CAMTA1: variants seen among roughly 807,000 people sequenced by gnomAD.
CAMTA1 encodes calmodulin-binding transcription activator 1.
Under a neutral mutation model 170.9 loss-of-function variants are expected in CAMTA1, and 27 were observed. The ratio of observed to expected loss-of-function variants is 0.16; its 90% CI spans 0.12 to 0.22. The LOEUF is 0.22. Ranked by LOEUF, CAMTA1 falls within the 10% of genes least tolerant of loss-of-function variation. The pLI is 1.00. For synonymous variants in CAMTA1, 833 were observed against 891.5 expected (o/e 0.93, Z 1.17); for missense variants, 1,619 against 2,217.2 (o/e 0.73, Z 5.42).
intron 4 of CAMTA1, among the ~76,000 whole-genome samples, chr1:7,162,370 T>C (rs1647383176): frequency 6.6e-6 from 1 of 152,218 alleles, no homozygotes. Context: ...TACAGAGTTG[T>C]GCAACCATTG....
chr1:7,036,308 GAGA>G (rs1314612860), intron 3 of CAMTA1, among the ~76,000 whole-genome samples: 6 of 152,174 alleles, frequency 3.9e-5, no homozygotes, highest in African/African-American at 1.4e-4. Context: ...CTGAGAAATA[GAGA>G]AGAAGAGAGA....
chr1:7,164,891 ACAT>A (rs1218353595), intron 4 of CAMTA1, among the ~76,000 whole-genome samples: 2 of 152,246 alleles, frequency 1.3e-5, no homozygotes, highest in Admixed American at 1.3e-4. Flanking sequence ...TTCAATGGTA[ACAT>A]CATCTGTTAA....
At chr1:7,677,795 T>C in intron 11 of CAMTA1, 62 bp downstream of exon 11, 2 of 1,557,568 alleles carry the variant, frequency 1.3e-6, no homozygotes, top group Non-Finnish European at 1.7e-6. Context: ...TGGGGACTCT[T>C]GCACAAGGTG....
At chr1:7,420,587 C>G (rs908268562) in intron 5 of CAMTA1, among the ~76,000 whole-genome samples, 2 of 152,126 alleles carry the variant, frequency 1.3e-5, no homozygotes, top group Admixed American at 1.3e-4. Context: ...ACCGAGCCCC[C>G]ACCAGCTTCT....
chr1:7,074,811 A>C (rs1639089109), intron 3 of CAMTA1, among the ~76,000 whole-genome samples: 1 of 152,178 alleles, frequency 6.6e-6, no homozygotes, highest in Non-Finnish European at 1.5e-5. Flanking sequence ...TTCCCAGTTT[A>C]CAGTTAGAGC....
chr1:7,469,917 C>G (rs113653439), intron 6 of CAMTA1, among the ~76,000 whole-genome samples: 1 of 152,222 alleles, frequency 6.6e-6, no homozygotes, highest in Non-Finnish European at 1.5e-5. Context: ...TCTGCCCCAG[C>G]CCTCCCTCAC....
chr1:7,289,087 G>T (rs887312700), intron 5 of CAMTA1, among the ~76,000 whole-genome samples: 1 of 151,970 alleles, frequency 6.6e-6, no homozygotes, highest in African/African-American at 2.4e-5. Context: ...AGAGGGGAGG[G>T]AGGTGCCACA....
chr1:7,122,274 T>G (rs150673180), intron 4 of CAMTA1, among the ~76,000 whole-genome samples: 2 of 152,138 alleles, frequency 1.3e-5, no homozygotes, highest in Non-Finnish European at 2.9e-5. Flanking sequence ...TGAGCTTTAT[T>G]GGGACATGCC....
intron 3 of CAMTA1, among the ~76,000 whole-genome samples, chr1:6,986,125 G>A (rs915562402): frequency 6.6e-6 from 1 of 152,184 alleles, no homozygotes; most frequent in Admixed American, 6.5e-5. Context: ...CTGCAGGTGG[G>A]TATCAGAGGA....
chr1:7,518,285 G>A lies in CAMTA1; in HGVS notation c.510+50384G>A, dbSNP rs181061673. Among the ~76,000 whole-genome samples, 195 of 152,036 alleles carry A rather than the reference G, an allele frequency of 1.3e-3. 3 individuals are homozygous for A. Among genetic ancestry groups the A allele is most frequent in the African/African-American group, 4.6e-3 (189 of 41,322 alleles). On this transcript the variant is annotated intron_variant, in intron 6 of 22. Transcript: ENST00000303635. ...AGAAGCCCCTCCCGGAGGTGTGGCG[G>A]GATCTCTCCAGAGGCTGAGCTGCCC...
intron 4 of CAMTA1, among the ~76,000 whole-genome samples, chr1:7,201,201 G>A (rs535704303): frequency 6.6e-6 from 1 of 152,154 alleles, no homozygotes; most frequent in Admixed American, 6.5e-5. Flanking sequence ...TGTTTTTAAG[G>A]TTCATCCACA....
chr1:7,664,170 G>C lies in CAMTA1; in HGVS notation c.1623G>C (p.Gln541His), dbSNP rs1333825085. The C allele has an allele frequency of 6.2e-7, 1 of 1,612,902 alleles. No homozygotes were observed. The part of the protein sequence containing the change: ...EIKTEDTSFE[Q>H]QMAKEAYSSS... ...AGACCGAGGACACCTCCTTCGAGCA[G>C]CAGATGGCCAAAGAAGCGTACTCCT... Residue 541 changes from glutamine to histidine, a missense_variant, in exon 9 of 23, where the codon CAG (glutamine) becomes CAC (histidine). Physicochemically the swap from Gln to His is conservative, Grantham distance 24. This residue lies in a region of CAMTA1 where 731 missense variants were observed against 907.6 expected (regional missense o/e 0.81). Transcript: ENST00000303635.
rs755228150 is a variant in CAMTA1 at position 7,532,221 on chromosome 1, G to A, written c.510+64320G>A. 6.6e-5 allele frequency among the ~76,000 whole-genome samples: 10 copies of A among 152,150 alleles called. No individual in the cohort carries two copies. Among genetic ancestry groups the A allele is most frequent in the Non-Finnish European group, 1.2e-4 (8 of 68,040 alleles). On this transcript the variant is annotated intron_variant, in intron 6 of 22. Transcript: ENST00000303635. The surrounding 1 kb of genome is among the most constrained non-coding windows in gnomAD (Gnocchi z 4.2). ...GTGGCCTTCGGATTCTTGGTGGAGG[G>A]GACATTCTTGCACACTAGTGCCCTC...
rs546230174 is a variant in CAMTA1 at position 7,737,043 on chromosome 1, G to A, written c.3342+34G>A. On this transcript the variant is annotated intron_variant, in intron 14 of 22. Transcript: ENST00000303635. ...TGGATTCCTGTAGCCCCCCCTTGCT[G>A]TTCTTCCAGTCTGGCATAGGATTTG... is the stretch of plus-strand genomic sequence containing the variant. The A allele has an allele frequency of 5.2e-6, 8 of 1,528,850 alleles. 1 individual carries two copies. The highest frequency in any genetic ancestry group is 6.3e-6 in the Non-Finnish European group (7 of 1,104,528). The allele number at this position is 1,528,850 out of a possible 1,614,324, so 94.7% of individuals were successfully genotyped here.
intron 3 of CAMTA1, among the ~76,000 whole-genome samples, chr1:6,968,916 C>CA (rs1292141094): frequency 2.6e-5 from 4 of 152,056 alleles, no homozygotes; most frequent in Non-Finnish European, 5.9e-5. Flanking sequence ...TAGTGGAGGA[C>CA]AGGTGTGCTG....
chr1:7,611,070 C>T (rs2095520457), intron 6 of CAMTA1, among the ~76,000 whole-genome samples: 1 of 152,168 alleles, frequency 6.6e-6, no homozygotes, highest in Non-Finnish European at 1.5e-5. Flanking sequence ...ATTTTCTCCT[C>T]TGTAAAGCAG....
intron 5 of CAMTA1, chr1:7,368,898 C>T (rs1023442986): frequency 6.6e-6 from 1 of 152,344 alleles, no homozygotes; most frequent in African/African-American, 2.4e-5. Flanking sequence ...GTCACTATGC[C>T]TTCTTGACTT....
rs1447192456 is a variant in CAMTA1, at chr1:7,216,145, G to C, written c.303-33346G>C. On this transcript the variant is annotated intron_variant, in intron 4 of 22. Coordinates refer to ENST00000303635, the MANE Select transcript of CAMTA1 (RefSeq NM_015215.4). The surrounding 1 kb of genome is among the most constrained non-coding windows in gnomAD (Gnocchi z 4.0). ...CCGCGTGTCCTGCGTGGCTGGAGCA[G>C]GAGGAAGAGGGTGAAGGGGGAGGTC... Among the ~76,000 whole-genome samples, 1 of 152,178 alleles carries C rather than the reference G, an allele frequency of 6.6e-6. No homozygotes were observed. The highest frequency in any genetic ancestry group is 1.5e-5 in the Non-Finnish European group (1 of 68,032).
At chr1:6,845,364 G>A (rs1368118740) in intron 3 of CAMTA1, among the ~76,000 whole-genome samples, 1 of 152,096 alleles carries the variant, frequency 6.6e-6, no homozygotes, top group African/African-American at 2.4e-5. Flanking sequence ...TAACTACCTC[G>A]GCCCTCAGGA....
Sources: gnomAD v4.1 joint callset for allele counts (sites outside exome capture counted in the v4.1 genomes callset) on GRCh38, gnomAD v4.1.1 for gene constraint, gnomAD v4.1.1 regional missense constraint, Gnocchi (gnomAD v3.1) non-coding constraint, MANE v1.5 for transcripts, NCBI Gene and HGNC (gene_info 2026-07-23, HGNC 2026-07-21) for gene names.